COL19A1: variants seen among roughly 807,000 people sequenced by gnomAD.
The protein encoded by COL19A1 is collagen type XIX alpha 1 chain.
COL19A1 carries 159 observed loss-of-function variants against 190.2 expected under a neutral mutation model. That is an observed-to-expected ratio of 0.84 (90% CI 0.73 to 0.95). COL19A1 has a LOEUF of 0.95. Ranked by LOEUF, COL19A1 falls within the 40% of genes least tolerant of loss-of-function variation. The probability of loss-of-function intolerance (pLI) is 0.00; values close to 1 mark genes in which losing one functional copy is unlikely to be tolerated. For missense variants in COL19A1, 1,418 were observed against 1,431.9 expected, an observed-to-expected ratio of 0.99 and a Z score of 0.16; for synonymous variants, 509 against 458.9, an observed-to-expected ratio of 1.11 and a Z score of -1.39.
intron 40 of COL19A1, among the ~76,000 whole-genome samples, chr6:70,171,075 G>A (rs1213547532): frequency 2.6e-5 from 4 of 152,108 alleles, no homozygotes; most frequent in Non-Finnish European, 5.9e-5. Flanking sequence ...TGGCCCATGG[G>A]CTGCATGCAG....
At chr6:70,103,907 CTGAG>C (rs1562176494) in intron 16 of COL19A1, among the ~76,000 whole-genome samples, 1 of 152,098 alleles carries the variant, frequency 6.6e-6, no homozygotes, top group Admixed American at 6.6e-5. Context: ...TATTTAATGA[CTGAG>C]TAACAAATGA....
At chr6:69,986,246 TATATATAC>T (rs1303526027) in intron 11 of COL19A1, among the ~76,000 whole-genome samples, 65 of 132,026 alleles carry the variant, frequency 4.9e-4, no homozygotes, top group Middle Eastern at 3.9e-3. Context: ...TATATATATA[TATATATAC>T]ACACACACAT....
At chr6:70,165,857 G>T in intron 36 of COL19A1, 84 bp from the exon 37 acceptor site, 2 of 1,231,750 alleles carry the variant, frequency 1.6e-6, no homozygotes, top group Non-Finnish European at 1.2e-6. Context: ...TCAGAAGATG[G>T]CTCTGTGATT....
chr6:70,084,707 C>T (rs75564151), intron 15 of COL19A1, among the ~76,000 whole-genome samples: 9,757 of 152,238 alleles, frequency 0.064, 456 homozygotes, highest in Non-Finnish European at 0.097. Flanking sequence ...GGTAGAGATG[C>T]TCCCTCTGCT....
intron 36 of COL19A1, 101 bp downstream of exon 36, chr6:70,163,497 A>G: frequency 9.2e-7 from 1 of 1,089,080 alleles, no homozygotes; most frequent in Non-Finnish European, 1.3e-6. Flanking sequence ...CAAAGCCTAA[A>G]AGTAGAAATG....
At position 70,188,057 on chromosome 6, in the gene COL19A1, T is replaced by A; in HGVS notation, c.2857-18T>A. On this transcript the variant is annotated intron_variant, in intron 46 of 50. Transcript: ENST00000620364. The stretch of plus-strand genomic sequence containing the variant: ...TGCTAGAAGAGATTATTCTTTGTTA[T>A]TATTTTTTCCTTAACAGGGTGATCA... 1 of 1,612,180 alleles carries A rather than the reference T, an allele frequency of 6.2e-7. No homozygotes were observed. Among genetic ancestry groups the A allele is most frequent in the East Asian group, 2.2e-5 (1 of 44,858 alleles).
intron 11 of COL19A1, among the ~76,000 whole-genome samples, chr6:69,977,157 C>G (rs762309291): frequency 5.3e-5 from 8 of 152,224 alleles, no homozygotes; most frequent in Non-Finnish European, 1.0e-4. Context: ...ACACTTAGAA[C>G]CAACCCAAAT....
chr6:70,115,896 C>A (rs565269809), intron 16 of COL19A1, among the ~76,000 whole-genome samples: 12 of 140,242 alleles, frequency 8.6e-5, no homozygotes, highest in Non-Finnish European at 1.4e-4. Context: ...TCAACAGAAG[C>A]ATTCTCAGAA....
intron 14 of COL19A1, among the ~76,000 whole-genome samples, chr6:70,043,607 A>C (rs189413527): frequency 6.6e-6 from 1 of 152,342 alleles, no homozygotes; most frequent in African/African-American, 2.4e-5. Flanking sequence ...CTCCTTGTAC[A>C]TCACCATCAG....
At chr6:70,118,121 T>C (rs1784683866) in intron 16 of COL19A1, among the ~76,000 whole-genome samples, 1 of 152,104 alleles carries the variant, frequency 6.6e-6, no homozygotes, top group African/African-American at 2.4e-5. Context: ...TTTCTTGGAG[T>C]TGATTGGTAG....
At chr6:70,028,256 A>T (rs1214214922) in intron 12 of COL19A1, among the ~76,000 whole-genome samples, 1 of 152,168 alleles carries the variant, frequency 6.6e-6, no homozygotes, top group African/African-American at 2.4e-5. Flanking sequence ...GGAAAGAAGG[A>T]GATGGGGAAA....
intron 9 of COL19A1, among the ~76,000 whole-genome samples, chr6:69,939,333 AT>A: frequency 6.6e-6 from 1 of 152,278 alleles, no homozygotes; most frequent in Admixed American, 6.6e-5. Context: ...TCATGGTTAC[AT>A]GTACCAGACA....
chr6:70,036,925 C>T (rs185668116), intron 14 of COL19A1, among the ~76,000 whole-genome samples: 11 of 152,102 alleles, frequency 7.2e-5, no homozygotes, highest in Admixed American at 6.5e-4. Flanking sequence ...ATGAAAAATA[C>T]ATTAATAATG....
intron 9 of COL19A1, among the ~76,000 whole-genome samples, chr6:69,946,946 C>G (rs559722995): frequency 6.6e-6 from 1 of 151,858 alleles, no homozygotes; most frequent in African/African-American, 2.4e-5. Flanking sequence ...TGGAACACAG[C>G]CACACTCATT....
At chr6:69,904,981 G>T (rs1368311922) in intron 4 of COL19A1, among the ~76,000 whole-genome samples, 3 of 152,078 alleles carry the variant, frequency 2.0e-5, no homozygotes, top group Middle Eastern at 3.2e-3. Flanking sequence ...GCTTCCAGCT[G>T]CCTCGGTGCT....
intron 1 of COL19A1, among the ~76,000 whole-genome samples, chr6:69,874,821 A>T (rs188722384): frequency 1.9e-3 from 293 of 152,344 alleles, no homozygotes; most frequent in Middle Eastern, 3.4e-3. Flanking sequence ...GAAAGATTAT[A>T]AGATCTTGTA....
intron 48 of COL19A1, among the ~76,000 whole-genome samples, chr6:70,194,148 G>A (rs960813780): frequency 2.6e-5 from 4 of 152,176 alleles, no homozygotes; most frequent in Non-Finnish European, 4.4e-5. Flanking sequence ...CATTGTCTCC[G>A]AGCGGCAAGT....
intron 14 of COL19A1, among the ~76,000 whole-genome samples, chr6:70,056,534 G>A (rs1429662035): frequency 6.6e-6 from 1 of 152,160 alleles, no homozygotes; most frequent in African/African-American, 2.4e-5. Context: ...TGTGCCGTGT[G>A]ATTCATGATT....
At position 70,146,658 on chromosome 6, in the gene COL19A1, G is replaced by A. The variant is rs754355005; in HGVS notation, c.1771-1G>A. 3 of 1,598,720 alleles carry A rather than the reference G, an allele frequency of 1.9e-6. No individual in the cohort carries two copies. The highest frequency in any genetic ancestry group is 2.6e-6 in the Non-Finnish European group (3 of 1,173,734). ...ATGTATTCATACTTTTTTTCTTTTA[G>A]GGATTAGATGGAAATCCTGGAGCAC... On this transcript the variant is annotated splice_acceptor_variant, in intron 25 of 50. Transcript: ENST00000620364. LOFTEE classifies it high-confidence loss of function.
Sources: gnomAD v4.1 joint callset for allele counts (sites outside exome capture counted in the v4.1 genomes callset) on GRCh38, gnomAD v4.1.1 for gene constraint, MANE v1.5 for transcripts, NCBI Gene and HGNC (gene_info 2026-07-23, HGNC 2026-07-21) for gene names.